The following NETO1 variants were observed in gnomAD, a reference collection of about 807,000 sequenced individuals.
The protein encoded by NETO1 is neuropilin and tolloid-like protein 1.
Under a neutral mutation model 61.3 loss-of-function variants are expected in NETO1, and 26 were observed. The observed-to-expected ratio is 0.42, with a 90% CI of 0.31 to 0.59. The LOEUF (loss-of-function observed/expected upper bound fraction) is 0.59, where lower values mean the gene tolerates loss of function less well. NETO1 is among the 20% of genes least tolerant of loss of function. The probability of loss-of-function intolerance (pLI) is 0.12; values close to 1 mark genes in which losing one functional copy is unlikely to be tolerated. For synonymous variants in NETO1, 225 were observed against 225.8 expected (o/e 1.00, Z 0.03); for missense variants, 531 against 662.8 (o/e 0.80, Z 2.18).
rs1005107862 is a variant in NETO1, at chr18:72,865,336, C to T, written c.29-95G>A. On this transcript the variant is annotated intron_variant, in intron 1 of 10. Transcript: ENST00000327305. ...ATTTCAAGATAAAATAATATCAAAG[C>T]AGATTAATTTTTTCATTGTTAACTG... is the stretch of plus-strand genomic sequence containing the variant. 19 of 1,237,078 alleles carry T rather than the reference C, an allele frequency of 1.5e-5. No homozygotes were observed. In the African/African-American group the frequency reaches 2.3e-4, roughly 15 times the overall value. The allele number at this position is 1,237,078 out of a possible 1,614,324, so 76.6% of individuals were successfully genotyped here. A position where few individuals can be genotyped will look rare whatever the true frequency, so the allele number is the denominator to read the frequency against.
Position 72,745,465 on chromosome 18 carries a change from G to T in NETO1, c.*2714C>A, listed in dbSNP as rs530758617. 1.3e-5 allele frequency: 2 copies of T among 152,286 alleles called. No individual in the cohort carries two copies. Among genetic ancestry groups the T allele is most frequent in the Admixed American group, 1.3e-4 (2 of 15,294 alleles). 9.4% of individuals were successfully genotyped at this position (152,286 alleles called of 1,614,324 possible). A position where few individuals can be genotyped will look rare whatever the true frequency, so the allele number is the denominator to read the frequency against. On this transcript the variant is annotated 3_prime_UTR_variant, in exon 11 of 11. Transcript: ENST00000327305. ...AATTAACACAGCAGGCTAACTTAAT[G>T]CATTATTTGAAATCATCTTGTTAAA...
chr18:72,769,103 C>T (rs1488301270), intron 7 of NETO1, among the ~76,000 whole-genome samples: 2 of 152,154 alleles, frequency 1.3e-5, no homozygotes, highest in Non-Finnish European at 2.9e-5. Flanking sequence ...TGGCAGTTTC[C>T]AGCCAGGATA....
intron 7 of NETO1, among the ~76,000 whole-genome samples, chr18:72,779,363 A>G (rs936572620): frequency 6.6e-6 from 1 of 151,892 alleles, no homozygotes; most frequent in Non-Finnish European, 1.5e-5. Flanking sequence ...TATAAAAAAT[A>G]TATGAATAGT....
At position 72,747,759 on chromosome 18, in the gene NETO1, A is replaced by T. The variant is rs1599073483; in HGVS notation, c.*420T>A. On this transcript the variant is annotated 3_prime_UTR_variant, in exon 11 of 11. Transcript: ENST00000327305. Reference sequence around the variant, plus strand: ...TTCTCAAGCTGTCTATATAATGAAAACAATGTACATGTAACACAAGGTTCA... The same window carrying T: ...TTCTCAAGCTGTCTATATAATGAAATCAATGTACATGTAACACAAGGTTCA... The T allele has an allele frequency of 1.3e-5, 2 of 152,108 alleles. No individual in the cohort carries two copies. The highest frequency in any genetic ancestry group is 2.9e-5 in the Non-Finnish European group (2 of 67,982). The allele number at this position is 152,108 out of a possible 1,614,324, so 9.4% of individuals were successfully genotyped here. A position where few individuals can be genotyped will look rare whatever the true frequency, so the allele number is the denominator to read the frequency against.
chr18:72,856,767 T>C (rs1032158019), intron 4 of NETO1, among the ~76,000 whole-genome samples: 18 of 152,198 alleles, frequency 1.2e-4, no homozygotes. Context: ...CAATGTGAGT[T>C]CACTGCAGAG....
rs2145282596 is a variant in NETO1, at chr18:72,794,349, T to A, written c.511+14A>T. ...AAAGTCTTCTGAACAGTATTAAATA[T>A]CTATTTTACCAACCTGGTAATGGTT... On this transcript the variant is annotated intron_variant, in intron 5 of 10. Coordinates refer to ENST00000327305, the MANE Select transcript of NETO1 (RefSeq NM_138966.5). 1 of 1,612,700 alleles carries A rather than the reference T, an allele frequency of 6.2e-7. No individual in the cohort carries two copies. The highest frequency in any genetic ancestry group is 8.5e-7 in the Non-Finnish European group (1 of 1,179,630).
At chr18:72,753,865 A>G (rs2145095425) in intron 8 of NETO1, among the ~76,000 whole-genome samples, 1 of 152,284 alleles carries the variant, frequency 6.6e-6, no homozygotes, top group South Asian at 2.1e-4. Context: ...GCAAATCTAG[A>G]AAAACAAATG....
chr18:72,823,491 G>A (rs928581770), intron 4 of NETO1, among the ~76,000 whole-genome samples: 1 of 152,030 alleles, frequency 6.6e-6, no homozygotes, highest in Non-Finnish European at 1.5e-5. Context: ...GCCAGGTAGA[G>A]GGAAGAGGAT....
chr18:72,768,165 ATCTTT>A (rs1226915144), intron 7 of NETO1, among the ~76,000 whole-genome samples: 1 of 152,196 alleles, frequency 6.6e-6, no homozygotes, highest in Non-Finnish European at 1.5e-5. Context: ...AAAAACGTTT[ATCTTT>A]TATTTTAAAA....
chr18:72,789,602 C>A (rs937748525), intron 6 of NETO1, among the ~76,000 whole-genome samples: 5 of 151,972 alleles, frequency 3.3e-5, no homozygotes, highest in African/African-American at 1.2e-4. Context: ...TAAATAACAC[C>A]CATGTACTAT....
intron 6 of NETO1, among the ~76,000 whole-genome samples, chr18:72,791,575 AACAG>A (rs2072119919): frequency 6.6e-6 from 1 of 152,194 alleles, no homozygotes; most frequent in Admixed American, 6.5e-5. Flanking sequence ...CAAATTCTGT[AACAG>A]ACAGGTACAT....
At chr18:72,850,853 T>C (rs1269441646) in intron 4 of NETO1, among the ~76,000 whole-genome samples, 1 of 152,148 alleles carries the variant, frequency 6.6e-6, no homozygotes, top group Non-Finnish European at 1.5e-5. Flanking sequence ...GAGGTAACCT[T>C]AGGACTGACC....
In NETO1 at chr18:72,841,735, AC is replaced by A. The variant is rs199636788; in HGVS notation, c.469+17090del. On this transcript the variant is annotated intron_variant, in intron 4 of 10. Coordinates refer to ENST00000327305, the MANE Select transcript of NETO1 (RefSeq NM_138966.5). ...GGAGACAGAGTGAGACTCTACCTCAACAAAAAAAAAAAAAAAAAAAAAGTCA... is the reference window on the plus strand; with the variant it reads ...GGAGACAGAGTGAGACTCTACCTCAAAAAAAAAAAAAAAAAAAAAAAGTCA... Among the ~76,000 whole-genome samples, 62 of 139,412 alleles carry A rather than the reference AC, an allele frequency of 4.4e-4. 6 individuals are homozygous for A. Among genetic ancestry groups the A allele is most frequent in the Non-Finnish European group, 8.8e-4 (58 of 66,020 alleles). 91.5% of individuals were successfully genotyped at this position (139,412 alleles called of 152,430 possible).
At chr18:72,857,727 T>C (rs1235530652) in intron 4 of NETO1, among the ~76,000 whole-genome samples, 1 of 152,176 alleles carries the variant, frequency 6.6e-6, no homozygotes, top group Non-Finnish European at 1.5e-5. Context: ...GAAATACCCA[T>C]GATTTCTGTG....
chr18:72,851,053 G>A (rs777345892), intron 4 of NETO1, among the ~76,000 whole-genome samples: 23 of 152,158 alleles, frequency 1.5e-4, no homozygotes, highest in Non-Finnish European at 2.8e-4. Context: ...AGTGGGAGGT[G>A]AGCGAAAGGA....
chr18:72,799,737 T>C (rs1165459616), intron 4 of NETO1, among the ~76,000 whole-genome samples: 1 of 152,258 alleles, frequency 6.6e-6, no homozygotes, highest in Non-Finnish European at 1.5e-5. Flanking sequence ...ACATGTCTTC[T>C]CTTACACACA....
intron 8 of NETO1, among the ~76,000 whole-genome samples, 179 bp from the exon 9 acceptor site, chr18:72,750,799 T>C (rs1358122241): frequency 3.3e-5 from 5 of 151,010 alleles, no homozygotes; most frequent in Non-Finnish European, 7.4e-5. Context: ...GGTCTCGTTT[T>C]TCACCAAAAA....
chr18:72,826,124 G>A (rs1276169232), intron 4 of NETO1, among the ~76,000 whole-genome samples: 2 of 152,050 alleles, frequency 1.3e-5, no homozygotes, highest in African/African-American at 4.8e-5. Context: ...AATTATCGTG[G>A]TTTGCTAGTT....
At chr18:72,820,823 C>T (rs2073169310) in intron 4 of NETO1, among the ~76,000 whole-genome samples, 1 of 152,148 alleles carries the variant, frequency 6.6e-6, no homozygotes, top group African/African-American at 2.4e-5. Context: ...ACTGGCTCTT[C>T]TTGGGTCTTG....
Sources: allele counts gnomAD v4.1 joint callset (sites outside exome capture counted in the v4.1 genomes callset), GRCh38; gene constraint gnomAD v4.1.1; transcripts MANE v1.5; gene names NCBI Gene and HGNC (gene_info 2026-07-23, HGNC 2026-07-21).